ETFA: variants seen among roughly 807,000 people sequenced by gnomAD.
ETFA encodes the protein electron transfer flavoprotein subunit alpha, also known as electron transfer flavoprotein subunit alpha, mitochondrial.
ETFA carries 22 observed loss-of-function variants against 46.2 expected under a neutral mutation model. The observed-to-expected ratio is 0.48, with a 90% CI of 0.34 to 0.68. ETFA has a LOEUF of 0.68. Ranked by LOEUF, ETFA falls within the 30% of genes least tolerant of loss-of-function variation. The pLI is 0.01. For missense variants in ETFA, 345 were observed against 401.1 expected (o/e 0.86, Z 1.19); for synonymous variants, 131 against 139.9 (o/e 0.94, Z 0.45).
At chr15:76,223,349 C>G (rs1451357522) in intron 11 of ETFA, among the ~76,000 whole-genome samples, 1 of 151,122 alleles carries the variant, frequency 6.6e-6, no homozygotes, top group Admixed American at 6.7e-5. Flanking sequence ...TCTCAAGTAG[C>G]TGGGATTACA....
rs113842173 is a variant in ETFA at position 76,224,158 on chromosome 15, C to T, written c.963+1691G>A. On this transcript the variant is annotated intron_variant, in intron 11 of 11. Coordinates refer to ENST00000557943, the MANE Select transcript of ETFA (RefSeq NM_000126.4). ...AATAGTAAGAACTGAATTCTTACTA[C>T]GTGAACAAAGTTATCATTACACAGA... 1.9e-3 allele frequency among the ~76,000 whole-genome samples: 283 copies of T among 152,232 alleles called. 4 individuals carry two copies. Among genetic ancestry groups the T allele is most frequent in the African/African-American group, 6.0e-3 (249 of 41,520 alleles).
At chr15:76,279,404 G>A (rs1051258699) in intron 8 of ETFA, among the ~76,000 whole-genome samples, 4 of 152,052 alleles carry the variant, frequency 2.6e-5, no homozygotes, top group Non-Finnish European at 4.4e-5. Flanking sequence ...AGCCTCCCAA[G>A]CAGCTGGGAC....
intron 9 of ETFA, among the ~76,000 whole-genome samples, chr15:76,256,150 C>T (rs906718376): frequency 1.3e-5 from 2 of 151,190 alleles, no homozygotes; most frequent in African/African-American, 4.9e-5. Context: ...CCCAGCTACT[C>T]AGGAGGCTGA....
chr15:76,221,754 T>G (rs1313291619), intron 11 of ETFA, among the ~76,000 whole-genome samples: 2 of 152,204 alleles, frequency 1.3e-5, no homozygotes, highest in East Asian at 3.8e-4. Flanking sequence ...CCAAGATAAT[T>G]TAACTAGTAT....
chr15:76,278,454 C>T (rs2039618374), intron 8 of ETFA, among the ~76,000 whole-genome samples: 1 of 152,204 alleles, frequency 6.6e-6, no homozygotes, highest in South Asian at 2.1e-4. Flanking sequence ...TCACACCACA[C>T]TCACTCAGAA....
In ETFA at chr15:76,260,318, G is replaced by A; in HGVS notation, c.816+14094C>T. On this transcript the variant is annotated intron_variant, in intron 9 of 11. Transcript: ENST00000557943. The stretch of plus-strand genomic sequence containing the variant: ...CTCCCCGGGAAATGACACTGTCAAA[G>A]CCTTGCCCAAACCACGTCTCTTTCG... 4 of 1,296,054 alleles carry A rather than the reference G, an allele frequency of 3.1e-6. No individual in the cohort carries two copies. In the South Asian group the frequency reaches 4.8e-5, roughly 15 times the overall value. 80.3% of individuals were successfully genotyped at this position (1,296,054 alleles called of 1,614,324 possible). A position where few individuals can be genotyped will look rare whatever the true frequency, so the allele number is the denominator to read the frequency against.
intron 2 of ETFA, among the ~76,000 whole-genome samples, chr15:76,293,638 C>T (rs981307129): frequency 1.3e-5 from 2 of 152,210 alleles, no homozygotes; most frequent in African/African-American, 2.4e-5. Flanking sequence ...TCATATCAGT[C>T]ATACTATCGT....
At chr15:76,286,311 T>G in intron 6 of ETFA, 60 bp downstream of exon 6, 1 of 891,366 alleles carries the variant, frequency 1.1e-6, no homozygotes, top group Non-Finnish European at 1.8e-6. Flanking sequence ...CTTATTATAA[T>G]ACAGTCTATG....
At chr15:76,311,255 G>C in intron 1 of ETFA, 95 bp downstream of exon 1, 1 of 1,420,394 alleles carries the variant, frequency 7.0e-7, no homozygotes, top group Non-Finnish European at 9.6e-7. Context: ...AGGGCTGGTC[G>C]AATCTGAGGG....
chr15:76,309,530 A>G (rs17361504), intron 1 of ETFA, among the ~76,000 whole-genome samples: 66,189 of 152,154 alleles, frequency 0.44, 16,123 homozygotes, highest in Middle Eastern at 0.57. Flanking sequence ...GTCAAGGTCA[A>G]AGTCTTTGGC....
At chr15:76,273,356 C>T (rs2039558944) in intron 9 of ETFA, among the ~76,000 whole-genome samples, 1 of 152,060 alleles carries the variant, frequency 6.6e-6, no homozygotes, top group African/African-American at 2.4e-5. Context: ...GAGTTCAAGA[C>T]CAGCCTGGCC....
In ETFA at chr15:76,283,741, A is replaced by C. The variant is rs755381395; in HGVS notation, c.733+16T>G. 25 of 1,526,280 alleles carry C rather than the reference A, an allele frequency of 1.6e-5. No homozygotes were observed. The highest frequency in any genetic ancestry group is 1.7e-4 in the Middle Eastern group (1 of 5,874). The allele number at this position is 1,526,280 out of a possible 1,614,324, so 94.5% of individuals were successfully genotyped here. Reference sequence around the variant, plus strand: ...ACAAAAAGGGAATATCTTTCTACTAAGGAAAATAACTTTACCTGCAGCATG... The same window carrying C: ...ACAAAAAGGGAATATCTTTCTACTACGGAAAATAACTTTACCTGCAGCATG... On this transcript the variant is annotated intron_variant, in intron 8 of 11. Coordinates refer to ENST00000557943, the MANE Select transcript of ETFA (RefSeq NM_000126.4).
At chr15:76,241,864 G>A (rs1170900734) in intron 9 of ETFA, among the ~76,000 whole-genome samples, 2 of 398 alleles carry the variant, frequency 5.0e-3, no homozygotes, top group Non-Finnish European at 7.9e-3. Flanking sequence ...TTGAGATGGA[G>A]TCTCGCTCTG....
intron 9 of ETFA, among the ~76,000 whole-genome samples, chr15:76,233,680 C>T (rs924760980): frequency 2.1e-4 from 32 of 152,152 alleles, no homozygotes; most frequent in Admixed American, 1.8e-3. Context: ...GCATTTCATT[C>T]ATAAAGGGAC....
chr15:76,301,010 C>T (rs2039874733), intron 1 of ETFA, among the ~76,000 whole-genome samples: 6 of 152,168 alleles, frequency 3.9e-5, no homozygotes, highest in Admixed American at 3.9e-4. Flanking sequence ...GGGTTTGAAT[C>T]CCACCTCCAC....
At chr15:76,297,122 A>G (rs933420859) in intron 1 of ETFA, among the ~76,000 whole-genome samples, 2 of 152,250 alleles carry the variant, frequency 1.3e-5, no homozygotes, top group South Asian at 2.1e-4. Context: ...AAAGCATAGC[A>G]TGGAATTTAC....
chr15:76,248,372 TA>T lies in ETFA; in HGVS notation c.817-16975del, dbSNP rs1288181327. Among the ~76,000 whole-genome samples the T allele has an allele frequency of 2.6e-5, 4 of 152,220 alleles. No homozygotes were observed. In the East Asian group the frequency reaches 7.7e-4, roughly 29 times the overall value. On this transcript the variant is annotated intron_variant, in intron 9 of 11. Transcript: ENST00000557943. ...TGGAATACTCACTTCACATTAAACA[TA>T]AAAATCAAATCAAGTAGATTATAAT... is the stretch of plus-strand genomic sequence containing the variant.
chr15:76,266,093 C>T (rs1005535265), intron 9 of ETFA, among the ~76,000 whole-genome samples: 9 of 152,168 alleles, frequency 5.9e-5, no homozygotes, highest in South Asian at 2.1e-4. Context: ...AAGAAAAAAT[C>T]GGGTAAATGG....
At chr15:76,239,680 C>G (rs1247990185) in intron 9 of ETFA, among the ~76,000 whole-genome samples, 1 of 151,642 alleles carries the variant, frequency 6.6e-6, no homozygotes, top group African/African-American at 2.4e-5. Context: ...TATGCTTTAG[C>G]TGAAGTCACC....
Sources: gnomAD v4.1 joint callset for allele counts (sites outside exome capture counted in the v4.1 genomes callset) on GRCh38, gnomAD v4.1.1 for gene constraint, MANE v1.5 for transcripts, NCBI Gene and HGNC (gene_info 2026-07-23, HGNC 2026-07-21) for gene names.